The following ARHGAP15 variants were observed in gnomAD, a reference collection of about 807,000 sequenced individuals.
ARHGAP15 encodes rho GTPase-activating protein 15.
Under a neutral mutation model 63.7 loss-of-function variants are expected in ARHGAP15, and 51 were observed. The observed-to-expected ratio is 0.80, with a 90% CI of 0.64 to 1.01. ARHGAP15 has a LOEUF of 1.01. Among genes scored for constraint, ARHGAP15 ranks in the 50% least tolerant of loss-of-function variants. The pLI is 0.00. For synonymous variants in ARHGAP15, 191 were observed against 193.8 expected, an observed-to-expected ratio of 0.99 and a Z score of 0.12; for missense variants, 560 against 564.6, an observed-to-expected ratio of 0.99 and a Z score of 0.08.
At chr2:143,692,522 G>A (rs151301269) in intron 12 of ARHGAP15, among the ~76,000 whole-genome samples, 98 of 152,254 alleles carry the variant, frequency 6.4e-4, no homozygotes, top group African/African-American at 2.2e-3. Context: ...ATGGCAAGAG[G>A]GTGTGAAACT....
chr2:143,390,335 C>T (rs965363045), intron 6 of ARHGAP15, among the ~76,000 whole-genome samples: 12 of 152,044 alleles, frequency 7.9e-5, no homozygotes, highest in African/African-American at 2.9e-4. Flanking sequence ...CTGCCTGATC[C>T]TAGAAAAGGG....
At chr2:143,568,301 A>G (rs1696317391) in intron 11 of ARHGAP15, among the ~76,000 whole-genome samples, 1 of 152,226 alleles carries the variant, frequency 6.6e-6, no homozygotes, top group South Asian at 2.1e-4. Context: ...CAGAATCTAC[A>G]AAGAACTTAA....
chr2:143,636,380 G>A (rs1680315923), intron 12 of ARHGAP15, among the ~76,000 whole-genome samples: 1 of 152,080 alleles, frequency 6.6e-6, no homozygotes, highest in South Asian at 2.1e-4. Context: ...ATTTCTATGT[G>A]CTTGTGTCAT....
At chr2:143,213,672 G>A (rs1008995464) in intron 3 of ARHGAP15, among the ~76,000 whole-genome samples, 1 of 152,196 alleles carries the variant, frequency 6.6e-6, no homozygotes, top group African/African-American at 2.4e-5. Context: ...GTAGGTAATA[G>A]AACATAGCAG....
intron 12 of ARHGAP15, among the ~76,000 whole-genome samples, chr2:143,673,758 G>GTATATGTATATATATATA (rs1682674751): frequency 4.5e-5 from 1 of 22,116 alleles, no homozygotes; most frequent in Non-Finnish European, 1.4e-4. Context: ...GTGTGTGTGT[G>GTATATGTATATATATATA]TATATATATA....
chr2:143,365,971 CT>C (rs1170702180), intron 6 of ARHGAP15, among the ~76,000 whole-genome samples: 11 of 152,142 alleles, frequency 7.2e-5, no homozygotes, highest in Admixed American at 3.3e-4. Flanking sequence ...AATTTTTACT[CT>C]TATTTTTATA....
chr2:143,224,916 C>T (rs1693145386), intron 4 of ARHGAP15, among the ~76,000 whole-genome samples: 1 of 152,170 alleles, frequency 6.6e-6, no homozygotes, highest in African/African-American at 2.4e-5. Flanking sequence ...AAGCTGGATA[C>T]CATCATTCTC....
chr2:143,465,256 GAAGGAAAA>G (rs1280942061), intron 8 of ARHGAP15, among the ~76,000 whole-genome samples: 1 of 152,156 alleles, frequency 6.6e-6, no homozygotes, highest in Non-Finnish European at 1.5e-5. Context: ...GGGAGGACAA[GAAGGAAAA>G]GAGGAATAGT....
intron 6 of ARHGAP15, among the ~76,000 whole-genome samples, chr2:143,347,094 C>T (rs912546582): frequency 1.4e-4 from 21 of 152,080 alleles, no homozygotes; most frequent in Non-Finnish European, 7.4e-5. Flanking sequence ...TCCTCACCTT[C>T]GGTAAAGTGC....
intron 12 of ARHGAP15, among the ~76,000 whole-genome samples, chr2:143,695,150 T>TA (rs1002830598): frequency 3.3e-5 from 5 of 151,730 alleles, no homozygotes; most frequent in East Asian, 1.9e-4. Context: ...TTTTTTTAAT[T>TA]AAAAAAAAGG....
chr2:143,179,021 C>T (rs1691120862), intron 2 of ARHGAP15, among the ~76,000 whole-genome samples: 1 of 152,226 alleles, frequency 6.6e-6, no homozygotes, highest in Admixed American at 6.5e-5. Context: ...TGCTCATTTG[C>T]TGCCATGCTA....
intron 6 of ARHGAP15, among the ~76,000 whole-genome samples, chr2:143,418,166 C>T (rs1455982203): frequency 6.6e-6 from 1 of 152,184 alleles, no homozygotes; most frequent in Non-Finnish European, 1.5e-5. Context: ...ATGCTACAGG[C>T]CCAACAACAG....
intron 11 of ARHGAP15, among the ~76,000 whole-genome samples, chr2:143,614,054 C>T (rs1698364813): frequency 6.6e-6 from 1 of 152,146 alleles, no homozygotes; most frequent in Admixed American, 6.6e-5. Context: ...GCATCATGTT[C>T]TTCATTCCTT....
At chr2:143,437,385 G>A (rs1196809911) in intron 8 of ARHGAP15, 1 of 225,678 alleles carries the variant, frequency 4.4e-6, no homozygotes, top group Non-Finnish European at 8.8e-6. Context: ...TATTTTATTT[G>A]CATACATTAA....
chr2:143,623,725 C>T (rs181692242), intron 11 of ARHGAP15, among the ~76,000 whole-genome samples: 5 of 152,372 alleles, frequency 3.3e-5, no homozygotes, highest in Admixed American at 2.0e-4. Context: ...CATATGTCTC[C>T]TGTTGGCTCA....
At chr2:143,705,439 C>T (rs199733583) in intron 13 of ARHGAP15, among the ~76,000 whole-genome samples, 8 of 152,092 alleles carry the variant, frequency 5.3e-5, no homozygotes, top group East Asian at 3.9e-4. Context: ...CAAGTAAAAT[C>T]GGATTAAATA....
At chr2:143,551,704 A>G (rs537754553) in intron 10 of ARHGAP15, among the ~76,000 whole-genome samples, 8 of 152,344 alleles carry the variant, frequency 5.3e-5, no homozygotes, top group African/African-American at 1.7e-4. Flanking sequence ...TAAGGGAATC[A>G]TTCTTAGGAA....
intron 13 of ARHGAP15, among the ~76,000 whole-genome samples, chr2:143,721,931 C>CCGGCCT (rs1387262163): frequency 1.6e-4 from 24 of 152,320 alleles, no homozygotes; most frequent in East Asian, 1.5e-3. Flanking sequence ...AGGCAATCCA[C>CCGGCCT]CGGCCTCGGC....
chr2:143,147,961 T>C (rs1008062872), intron 1 of ARHGAP15, among the ~76,000 whole-genome samples: 2 of 152,066 alleles, frequency 1.3e-5, no homozygotes, highest in African/African-American at 4.8e-5. Context: ...TTTCATCAAG[T>C]ATCTTAGAAA....
Sources: gnomAD v4.1 joint callset for allele counts (sites outside exome capture counted in the v4.1 genomes callset) on GRCh38, gnomAD v4.1.1 for gene constraint, MANE v1.5 for transcripts, NCBI Gene and HGNC (gene_info 2026-07-23, HGNC 2026-07-21) for gene names.